ISL2: variants seen among roughly 807,000 people sequenced by gnomAD.
ISL2 encodes insulin gene enhancer protein ISL-2.
ISL2 carries 17 observed loss-of-function variants against 34.6 expected under a neutral mutation model. The observed-to-expected ratio is 0.49, with a 90% CI of 0.34 to 0.74. The LOEUF is 0.74. Ranked by LOEUF, ISL2 falls within the 30% of genes least tolerant of loss-of-function variation. The pLI, the probability that ISL2 is intolerant of heterozygous loss-of-function variation, is 0.01. For missense variants in ISL2, 469 were observed against 515.2 expected (o/e 0.91, Z 0.87); for synonymous variants, 232 against 225.5 (o/e 1.03, Z -0.26).
Position 76,340,666 on chromosome 15 carries a change from G to A in ISL2, c.795+107G>A, listed in dbSNP as rs2040186952. On this transcript the variant is annotated intron_variant, in intron 4 of 5. Coordinates refer to ENST00000290759, the MANE Select transcript of ISL2 (RefSeq NM_145805.3). ...AGCCCTGGGAGATCCAGGGAGAACTGGGCGCTCCAGATGGTGTATGTCTGT... is the reference window on the plus strand; with the variant it reads ...AGCCCTGGGAGATCCAGGGAGAACTAGGCGCTCCAGATGGTGTATGTCTGT... The A allele has an allele frequency of 2.9e-6, 3 of 1,044,574 alleles. No individual in the cohort carries two copies. In the South Asian group the frequency reaches 4.7e-5, roughly 16 times the overall value. 64.7% of individuals were successfully genotyped at this position (1,044,574 alleles called of 1,614,324 possible). A position where few individuals can be genotyped will look rare whatever the true frequency, so the allele number is the denominator to read the frequency against.
At chr15:76,337,230 G>GGTT (rs1555406923) in intron 1 of ISL2, among the ~76,000 whole-genome samples, 1 of 145,374 alleles carries the variant, frequency 6.9e-6, no homozygotes, top group African/African-American at 2.5e-5. Context: ...AGGGATGTGG[G>GGTT]TTTTTTTTTT....
rs73448115 is a variant in ISL2 at position 76,336,779 on chromosome 15, A to C, written c.-105A>C. ...GGGCCGGTGCGGAATCGCTCCTTCA[A>C]CTCCGCGGGGCAGTAGGAGTTAGTT... On this transcript the variant is annotated 5_prime_UTR_variant, in exon 1 of 6. Coordinates refer to ENST00000290759, the MANE Select transcript of ISL2 (RefSeq NM_145805.3). 1.1e-3 allele frequency: 1,112 copies of C among 1,009,390 alleles called. 11 individuals carry two copies. In the African/African-American group the frequency reaches 0.016, roughly 14 times the overall value. The allele number at this position is 1,009,390 out of a possible 1,614,324, so 62.5% of individuals were successfully genotyped here.
At chr15:76,339,653 G>C in intron 3 of ISL2, 9 of 985,718 alleles carry the variant, frequency 9.1e-6, no homozygotes, top group Non-Finnish European at 1.1e-5. Flanking sequence ...GGAGCCTTGA[G>C]GAAGGAGACA....
chr15:76,341,956 TGA>T lies in ISL2; in HGVS notation c.*127_*128del, dbSNP rs1461052500. 26 of 722,740 alleles carry T rather than the reference TGA, an allele frequency of 3.6e-5. No homozygotes were observed. The highest frequency in any genetic ancestry group is 6.4e-5 in the South Asian group (4 of 62,176). The allele number at this position is 722,740 out of a possible 1,614,324, so 44.8% of individuals were successfully genotyped here. On this transcript the variant is annotated 3_prime_UTR_variant, in exon 6 of 6. Transcript: ENST00000290759. The stretch of plus-strand genomic sequence containing the variant: ...TTCGTAATTATTCTATTGTTATTTA[TGA>T]GAGAGTACCGAGAGACACGGTCTGG...
At position 76,341,218 on chromosome 15, in the gene ISL2, G is replaced by A; in HGVS notation, c.880G>A (p.Val294Met). 1.9e-6 allele frequency: 3 copies of A among 1,612,252 alleles called. No individual in the cohort carries two copies. Among genetic ancestry groups the A allele is most frequent in the Non-Finnish European group, 2.5e-6 (3 of 1,179,660 alleles). ...ENAVQGSAVE[V>M]QTYQPPWKAL... is the part of the protein sequence containing the mutation. ...CGCCGTGCAGGGCAGCGCAGTGGAG[G>A]TGCAGACGTACCAGCCGCCGTGGAA... is the stretch of plus-strand genomic sequence containing the variant. The change falls in exon 5 of 6, where the codon GTG becomes ATG. Residue 294 changes from valine to methionine, a missense_variant. Physicochemically the swap from Val to Met is conservative, Grantham distance 21. Coordinates refer to ENST00000290759, the MANE Select transcript of ISL2 (RefSeq NM_145805.3).
intron 3 of ISL2, 82 bp from the exon 4 acceptor site, chr15:76,340,194 G>A: frequency 6.9e-7 from 1 of 1,453,076 alleles, no homozygotes; most frequent in Non-Finnish European, 9.0e-7. Flanking sequence ...GGGCCCCGGG[G>A]GGCTGGGCCA....
chr15:76,337,277 G>T (rs1448053634), intron 1 of ISL2, among the ~76,000 whole-genome samples: 5 of 149,926 alleles, frequency 3.3e-5, no homozygotes, highest in Non-Finnish European at 7.4e-5. Flanking sequence ...GTTTTTCAAA[G>T]CTAGGAAGCT....
At chr15:76,338,006 A>T (rs1388714400) in intron 2 of ISL2, 39 bp downstream of exon 2, 1 of 1,514,200 alleles carries the variant, frequency 6.6e-7, no homozygotes, top group South Asian at 1.2e-5. Flanking sequence ...CACCGCGCGC[A>T]GGGGCCGGGG....
chr15:76,338,432 C>T lies in ISL2; in HGVS notation c.429C>T (p.His143=), dbSNP rs759850526. The change falls in exon 3 of 6, where the codon CAC becomes CAT. Residue 143 remains histidine, a synonymous_variant. Coordinates refer to ENST00000290759, the MANE Select transcript of ISL2 (RefSeq NM_145805.3). ...REHELLCRAD[H]GLLLERAAAG... is the part of the protein sequence containing the mutation. The stretch of plus-strand genomic sequence containing the variant: ...ACGAGCTGCTCTGCCGCGCCGACCA[C>T]GGCCTCCTGCTCGAGCGCGCCGCGG... The T allele has an allele frequency of 1.6e-5, 24 of 1,479,666 alleles. No individual in the cohort carries two copies. The highest frequency in any genetic ancestry group is 5.8e-5 in the African/African-American group (4 of 68,680). The allele number at this position is 1,479,666 out of a possible 1,614,324, so 91.7% of individuals were successfully genotyped here.
intron 3 of ISL2, 109 bp from the exon 4 acceptor site, chr15:76,340,157 CAAACAGAATA>C: frequency 7.0e-7 from 1 of 1,429,274 alleles, no homozygotes; most frequent in South Asian, 1.5e-5. Flanking sequence ...TTAAACGAAA[CAAACAGAATA>C]AAACAGAAAC....
chr15:76,339,691 A>G (rs2141582702), intron 3 of ISL2: 2 of 985,810 alleles, frequency 2.0e-6, no homozygotes, highest in Middle Eastern at 5.2e-4. Context: ...GCGGGCAGGA[A>G]GGAACTGTTG....
At position 76,338,450 on chromosome 15, in the gene ISL2, C is replaced by A; in HGVS notation, c.447C>A (p.Arg149=). Residue 149 remains arginine, a synonymous_variant, in exon 3 of 6, where the codon CGC becomes CGA. Transcript: ENST00000290759. ...CCGACCACGGCCTCCTGCTCGAGCG[C>A]GCCGCGGCCGGCAGCCCGCGCAGCC... ...CRADHGLLLE[R]AAAGSPRSPG... 7.0e-7 allele frequency: 1 copy of A among 1,428,966 alleles called. No homozygotes were observed. The highest frequency in any genetic ancestry group is 9.1e-7 in the Non-Finnish European group (1 of 1,094,180). The allele number at this position is 1,428,966 out of a possible 1,614,324, so 88.5% of individuals were successfully genotyped here. A position where few individuals can be genotyped will look rare whatever the true frequency, so the allele number is the denominator to read the frequency against.
rs778498243 is a variant in ISL2, at chr15:76,341,756, C to T, written c.1001C>T (p.Ser334Phe). The change falls in exon 6 of 6, where the codon TCC becomes TTC. Residue 334 changes from serine to phenylalanine, a missense_variant. Ser to Phe is a radical substitution (Grantham distance 155). This residue lies in a region of ISL2 where 169 missense variants were observed against 154.2 expected (regional missense o/e 1.10). Coordinates refer to ENST00000290759, the MANE Select transcript of ISL2 (RefSeq NM_145805.3). Reference sequence around the variant, plus strand: ...GAGTCCGGCTCCCTAGGCAACTCCTCCGGCAGCGACGTGACCTCCCTGTCC... The same window carrying T: ...GAGTCCGGCTCCCTAGGCAACTCCTTCGGCAGCGACGTGACCTCCCTGTCC... ...FSESGSLGNS[S>F]GSDVTSLSSQ... The T allele has an allele frequency of 6.2e-7, 1 of 1,614,034 alleles. No homozygotes were observed. The highest frequency in any genetic ancestry group is 8.5e-7 in the Non-Finnish European group (1 of 1,179,994).
chr15:76,341,465 G>C (rs2040193540), intron 5 of ISL2, among the ~76,000 whole-genome samples, 164 bp downstream of exon 5: 2 of 152,150 alleles, frequency 1.3e-5, no homozygotes, highest in Admixed American at 6.5e-5. Flanking sequence ...ACCTCACCTC[G>C]GCCCATTACG....
intron 4 of ISL2, 131 bp from the exon 5 acceptor site, chr15:76,341,003 C>A (rs774597510): frequency 3.4e-5 from 30 of 894,614 alleles, no homozygotes; most frequent in Non-Finnish European, 4.8e-5. Context: ...TCTTCCGATG[C>A]GATCGAGTGT....
intron 3 of ISL2, 159 bp downstream of exon 3, chr15:76,338,673 C>T (rs751718098): frequency 2.8e-5 from 28 of 985,210 alleles, no homozygotes; most frequent in Non-Finnish European, 3.4e-5. Flanking sequence ...GTGCTGGGAA[C>T]AAGGCTGTGT....
At chr15:76,340,191 G>A (rs28699253) in intron 3 of ISL2, 85 bp from the exon 4 acceptor site, 1 of 1,449,536 alleles carries the variant, frequency 6.9e-7, no homozygotes, top group Non-Finnish European at 9.0e-7. Context: ...ATCGGGCCCC[G>A]GGGGGCTGGG....
chr15:76,339,611 G>C, intron 3 of ISL2: 8 of 985,616 alleles, frequency 8.1e-6, no homozygotes, highest in Non-Finnish European at 9.6e-6. Flanking sequence ...TCAGCACCTT[G>C]GTCGGTGGGA....
At position 76,341,750 on chromosome 15, in the gene ISL2, A is replaced by T; in HGVS notation, c.995A>T (p.Asn332Ile). The change falls in exon 6 of 6, where the codon AAC becomes ATC. Residue 332 changes from asparagine (N) to isoleucine (I), a missense_variant. Asn to Ile is a moderately radical substitution (Grantham distance 149). Transcript: ENST00000290759. ...TTCTCCGAGTCCGGCTCCCTAGGCA[A>T]CTCCTCCGGCAGCGACGTGACCTCC... Reference protein sequence around the residue: ...VSFSESGSLGNSSGSDVTSLS... With the variant: ...VSFSESGSLGISSGSDVTSLS... The T allele has an allele frequency of 1.9e-6, 3 of 1,612,484 alleles. No homozygotes were observed. The highest frequency in any genetic ancestry group is 2.5e-6 in the Non-Finnish European group (3 of 1,179,510).
Sources: allele counts gnomAD v4.1 joint callset (sites outside exome capture counted in the v4.1 genomes callset), GRCh38; gene constraint gnomAD v4.1.1; regional missense constraint gnomAD v4.1.1; transcripts MANE v1.5; gene names NCBI Gene and HGNC (gene_info 2026-07-23, HGNC 2026-07-21).